Variants in KRABD4 observed in about 807,000 individuals in gnomAD.
KRABD4 encodes the protein KRAB domain-containing protein 4.
At chrX:46,462,177 C>T in the KRABD4 span, among the ~76,000 whole-genome samples, 512 of 112,160 alleles carry the variant, frequency 4.6e-3, 3 homozygotes, top group African/African-American at 0.016. Context: ...ATGTAATATA[C>T]TATGCCAAAC....
chrX:46,465,592 A>G, the KRABD4 span, among the ~76,000 whole-genome samples: 38 of 112,884 alleles, frequency 3.4e-4, no homozygotes, highest in African/African-American at 1.2e-3. Flanking sequence ...TATTGTTGTT[A>G]TTATCCATAA....
the KRABD4 span, among the ~76,000 whole-genome samples, chrX:46,461,176 A>C: frequency 1.8e-5 from 2 of 110,572 alleles, no homozygotes; most frequent in African/African-American, 6.6e-5. Context: ...TGAGTAAACT[A>C]TGACTGGCTG....
chrX:46,455,607 C>A, the KRABD4 span: 1 of 390,186 alleles, frequency 2.6e-6, no homozygotes, highest in Non-Finnish European at 4.7e-6. Flanking sequence ...TGACACTGTT[C>A]TTGTTTCTTT....
chrX:46,467,761 T>C, the KRABD4 span, among the ~76,000 whole-genome samples: 2 of 111,579 alleles, frequency 1.8e-5, no homozygotes, highest in Non-Finnish European at 3.8e-5. Context: ...TGTGGTGAAG[T>C]GTCTATTGTA....
the KRABD4 span, among the ~76,000 whole-genome samples, chrX:46,453,048 T>C: frequency 8.9e-6 from 1 of 112,227 alleles, no homozygotes; most frequent in Non-Finnish European, 1.9e-5. Flanking sequence ...GGATGTTAGC[T>C]CCTTGGGTTA....
At chrX:46,453,891 G>C in the KRABD4 span, among the ~76,000 whole-genome samples, 103 of 111,629 alleles carry the variant, frequency 9.2e-4, no homozygotes, top group Admixed American at 1.2e-3. Flanking sequence ...ATTCAATAGA[G>C]CCCTTACCTT....
chrX:46,466,952 T>G, the KRABD4 span, among the ~76,000 whole-genome samples: 1 of 112,471 alleles, frequency 8.9e-6, no homozygotes, highest in South Asian at 3.7e-4. Context: ...CCTCTTTTCC[T>G]TCTAGTTTGG....
chrX:46,457,384 T>G, the KRABD4 span, among the ~76,000 whole-genome samples: 1 of 111,798 alleles, frequency 8.9e-6, no homozygotes, highest in Non-Finnish European at 1.9e-5. Flanking sequence ...GCATATGATA[T>G]GCAAAGGATT....
chrX:46,450,385 A>C, the KRABD4 span: 2 of 851,102 alleles, frequency 2.3e-6, no homozygotes, highest in African/African-American at 4.0e-5. Flanking sequence ...ATGATGGTCT[A>C]ATGGCTGTAC....
the KRABD4 span, chrX:46,455,838 A>G: frequency 1.5e-5 from 5 of 344,213 alleles, no homozygotes; most frequent in East Asian, 3.2e-4. Context: ...CATAGTAAGC[A>G]TGAGGTAGAC....
chrX:46,472,445 C>T, the KRABD4 span: 1 of 250,296 alleles, frequency 4.0e-6, no homozygotes, highest in East Asian at 8.2e-5. Flanking sequence ...TGCAAAGCCA[C>T]ACAGCTTCAA....
the KRABD4 span, among the ~76,000 whole-genome samples, chrX:46,469,203 C>T: frequency 1.8e-5 from 2 of 111,697 alleles, no homozygotes; most frequent in African/African-American, 3.3e-5. Context: ...TGGTATTTTC[C>T]TAGAAATTTT....
At chrX:46,464,211 C>CT in the KRABD4 span, among the ~76,000 whole-genome samples, 11 of 111,722 alleles carry the variant, frequency 9.8e-5, no homozygotes, top group African/African-American at 3.3e-4. Context: ...CTGGTCTACT[C>CT]TTTCTCTCCC....
chrX:46,452,221 G>GCT, the KRABD4 span, among the ~76,000 whole-genome samples: 3 of 109,740 alleles, frequency 2.7e-5, no homozygotes, highest in Admixed American at 9.7e-5. Flanking sequence ...TCCTGCATGT[G>GCT]CTCTCTCTCT....
the KRABD4 span, chrX:46,455,888 CTG>C: frequency 3.1e-6 from 1 of 325,000 alleles, no homozygotes; most frequent in Admixed American, 3.7e-5. Context: ...GGCAAAAGTG[CTG>C]AAGTAAGTAA....
chrX:46,463,096 G>C, the KRABD4 span: 1 of 973,994 alleles, frequency 1.0e-6, no homozygotes, highest in South Asian at 2.2e-5. Flanking sequence ...GGGGCAGATA[G>C]CTGTGTGCAT....
At chrX:46,469,952 G>A in the KRABD4 span, among the ~76,000 whole-genome samples, 1 of 110,569 alleles carries the variant, frequency 9.0e-6, no homozygotes, top group Non-Finnish European at 1.9e-5. Context: ...CTATGATGGT[G>A]TTTTTTTCTC....
chrX:46,457,865 C>A, the KRABD4 span, among the ~76,000 whole-genome samples: 1 of 110,072 alleles, frequency 9.1e-6, no homozygotes, highest in Non-Finnish European at 1.9e-5. Context: ...GCTCAGCCTC[C>A]CAAGTAGCTG....
At chrX:46,460,417 C>CA in the KRABD4 span, among the ~76,000 whole-genome samples, 20,116 of 74,764 alleles carry the variant, frequency 0.27, 2,448 homozygotes, top group Middle Eastern at 0.39. Flanking sequence ...AACTCAGTCT[C>CA]AAAAAAAAAA....
Sources: gnomAD v4.1 joint callset for allele counts (sites outside exome capture counted in the v4.1 genomes callset) on GRCh38, gnomAD v4.1.1 for gene constraint, MANE v1.5 for transcripts, NCBI Gene and HGNC (gene_info 2026-07-23, HGNC 2026-07-21) for gene names.